The following ZMYM6 variants were observed in gnomAD, a reference collection of about 807,000 sequenced individuals.
ZMYM6 encodes the protein zinc finger MYM-type protein 6.
Under a neutral mutation model 134.0 loss-of-function variants are expected in ZMYM6, and 90 were observed. The observed-to-expected ratio is 0.67, with a 90% CI of 0.57 to 0.80. The LOEUF (loss-of-function observed/expected upper bound fraction) is 0.80, where lower values mean the gene tolerates loss of function less well. Among genes scored for constraint, ZMYM6 ranks in the 30% least tolerant of loss-of-function variants. The pLI is 0.00. For synonymous variants in ZMYM6, 481 were observed against 524.1 expected, an observed-to-expected ratio of 0.92 and a Z score of 1.12; for missense variants, 1,362 against 1,533.9, an observed-to-expected ratio of 0.89 and a Z score of 1.87.
chr1:34,989,406 T>C (rs1640629931), intron 15 of ZMYM6: 2 of 241,460 alleles, frequency 8.3e-6, no homozygotes, highest in Non-Finnish European at 1.2e-5. Context: ...AGAAAAAAAA[T>C]TGGCTGGATG....
chr1:35,028,101 G>T (rs1364494305), intron 2 of ZMYM6, among the ~76,000 whole-genome samples: 3 of 152,014 alleles, frequency 2.0e-5, no homozygotes, highest in African/African-American at 7.3e-5. Flanking sequence ...AGCACTTGAG[G>T]TCAGGAGTTT....
intron 10 of ZMYM6, among the ~76,000 whole-genome samples, chr1:35,009,468 A>C (rs1043150006): frequency 4.7e-5 from 7 of 150,372 alleles, no homozygotes; most frequent in African/African-American, 1.5e-4. Flanking sequence ...GAGGTATAAA[A>C]GTTTTTTAAG....
intron 1 of ZMYM6, 78 bp from the exon 2 acceptor site, chr1:35,030,791 A>C (rs1312278697): frequency 8.6e-6 from 6 of 701,464 alleles, no homozygotes; most frequent in Admixed American, 6.8e-5. Context: ...TGAGTGCATG[A>C]GGCTTCACGG....
Position 34,987,298 on chromosome 1 carries a change from TCTTTGC to T in ZMYM6, c.3778_3783del (p.Ala1260_Lys1261del). The T allele has an allele frequency of 5.0e-6, 8 of 1,612,310 alleles. No individual in the cohort carries two copies. The highest frequency in any genetic ancestry group is 6.8e-6 in the Non-Finnish European group (8 of 1,179,156). Reference sequence around the variant, plus strand: ...CTTTCATGGAGTTCTGGGTAACTTGTCTTTGCATTTATCCAAAACTGAGTTACAGAC... The same window carrying T: ...CTTTCATGGAGTTCTGGGTAACTTGTATTTATCCAAAACTGAGTTACAGAC... On this transcript the variant is annotated inframe_deletion, in exon 16 of 16. Coordinates refer to ENST00000357182, the MANE Select transcript of ZMYM6 (RefSeq NM_007167.4).
At position 34,998,958 on chromosome 1, in the gene ZMYM6, C is replaced by T. The variant is rs555864602; in HGVS notation, c.1992+5010G>A. Among the ~76,000 whole-genome samples, 114 of 152,150 alleles carry T rather than the reference C, an allele frequency of 7.5e-4. 1 individual carries two copies. Among genetic ancestry groups the T allele is most frequent in the African/African-American group, 2.6e-3 (107 of 41,510 alleles). On this transcript the variant is annotated intron_variant, in intron 14 of 15. Coordinates refer to ENST00000357182, the MANE Select transcript of ZMYM6 (RefSeq NM_007167.4). The stretch of plus-strand genomic sequence containing the variant: ...GCAACATAGCGAGACCTCATCTCTA[C>T]TAAAAATGTACAAAGTTAGCCAGAC...
chr1:35,018,185 A>T (rs1641238630), intron 4 of ZMYM6: 1 of 152,242 alleles, frequency 6.6e-6, no homozygotes, highest in African/African-American at 2.4e-5. Context: ...TCTACAAAAA[A>T]ATACAAAAAT....
At chr1:35,019,677 T>C in intron 3 of ZMYM6, 75 bp from the exon 4 acceptor site, 1 of 1,455,550 alleles carries the variant, frequency 6.9e-7, no homozygotes, top group East Asian at 2.4e-5. Context: ...TCTCTCTCTC[T>C]CTTTTTTCTT....
At chr1:34,994,941 T>C (rs1286053344) in intron 14 of ZMYM6, among the ~76,000 whole-genome samples, 2 of 146,280 alleles carry the variant, frequency 1.4e-5, no homozygotes, top group East Asian at 3.9e-4. Context: ...TATATATATA[T>C]GTATACATAT....
intron 14 of ZMYM6, among the ~76,000 whole-genome samples, chr1:34,995,653 T>A (rs988558637): frequency 1.3e-5 from 2 of 152,174 alleles, no homozygotes; most frequent in African/African-American, 4.8e-5. Flanking sequence ...TAGACAGAGA[T>A]GATTTACATC....
At position 35,012,510 on chromosome 1, in the gene ZMYM6, T is replaced by C; in HGVS notation, c.867A>G (p.Thr289=). 1.2e-6 allele frequency: 2 copies of C among 1,613,494 alleles called. No homozygotes were observed. The highest frequency in any genetic ancestry group is 1.7e-5 in the Admixed American group (1 of 59,930). The stretch of plus-strand genomic sequence containing the variant: ...AAAGCTCTGTTTTTCCTGAATCATT[T>C]GTAGTCTCAATCATTTCAGCTGAGG... The part of the protein sequence containing the change: ...LRPSAEMIET[T]NDSGKTELFC... Residue 289 remains threonine, a synonymous_variant, in exon 7 of 16, where the codon ACA becomes ACG. Transcript: ENST00000357182.
chr1:35,014,866 T>C lies in ZMYM6; in HGVS notation c.626A>G (p.Gln209Arg). ...ACTACAAAGACCATGTACCACATTT[T>C]GATATTTAACTTCAAATCGAGTCTA... ...NADTRFEVKY[Q>R]NVVHGLCSDA... The change falls in exon 6 of 16, where the codon CAA becomes CGA. Residue 209 changes from glutamine (Q) to arginine (R), a missense_variant. By Grantham distance (43) the Gln-to-Arg change is conservative. Coordinates refer to ENST00000357182, the MANE Select transcript of ZMYM6 (RefSeq NM_007167.4). The C allele has an allele frequency of 6.2e-7, 1 of 1,614,144 alleles. No individual in the cohort carries two copies. Among genetic ancestry groups the C allele is most frequent in the Non-Finnish European group, 8.5e-7 (1 of 1,180,028 alleles).
At chr1:34,990,223 G>A (rs1403659858) in intron 15 of ZMYM6, 2 of 202,206 alleles carry the variant, frequency 9.9e-6, no homozygotes, top group African/African-American at 4.6e-5. Flanking sequence ...GCTCACGCTT[G>A]TAATCCCAGC....
intron 12 of ZMYM6, among the ~76,000 whole-genome samples, chr1:35,005,747 A>C (rs950503437): frequency 6.6e-6 from 1 of 152,158 alleles, no homozygotes; most frequent in Non-Finnish European, 1.5e-5. Context: ...TTAACATGAC[A>C]ATTTTTATAA....
chr1:35,030,808 A>G (rs1569807120), intron 1 of ZMYM6, 95 bp from the exon 2 acceptor site: 3 of 624,832 alleles, frequency 4.8e-6, no homozygotes, highest in East Asian at 6.3e-5. Flanking sequence ...ACGGCTCGGC[A>G]TTTGAAAAAC....
intron 14 of ZMYM6, among the ~76,000 whole-genome samples, chr1:34,997,253 C>G (rs973842286): frequency 1.6e-4 from 25 of 152,180 alleles, no homozygotes; most frequent in South Asian, 2.1e-4. Context: ...TACTTTTGCC[C>G]ATTTTCCTAC....
Position 35,030,685 on chromosome 1 carries a change from T to C in ZMYM6, c.-46A>G. On this transcript the variant is annotated 5_prime_UTR_variant, in exon 2 of 16. Transcript: ENST00000357182. Reference sequence around the variant, plus strand: ...AGTGTCTCAGGCTCAAACGAATAGATTTCTTCTTGGTAATGGATAGTTGGA... The same window carrying C: ...AGTGTCTCAGGCTCAAACGAATAGACTTCTTCTTGGTAATGGATAGTTGGA... 1 of 1,566,410 alleles carries C rather than the reference T, an allele frequency of 6.4e-7. No homozygotes were observed. The highest frequency in any genetic ancestry group is 2.2e-5 in the East Asian group (1 of 44,692).
At position 35,014,793 on chromosome 1, in the gene ZMYM6, G is replaced by C. The variant is rs1641150874; in HGVS notation, c.699C>G (p.Asn233Lys). 6.2e-7 allele frequency: 1 copy of C among 1,614,100 alleles called. No individual in the cohort carries two copies. The highest frequency in any genetic ancestry group is 8.5e-7 in the Non-Finnish European group (1 of 1,180,036). The part of the protein sequence containing the change: ...KFHSTNNLTM[N>K]CCENCGSYCY... ...AATAGCTCCCACAGTTCTCACAACA[G>C]TTCATGGTGAGGTTGTTTGTAGAGT... The change falls in exon 6 of 16, where the codon AAC (asparagine) becomes AAG (lysine). Residue 233 changes from asparagine (N) to lysine (K), a missense_variant. Physicochemically the swap from Asn to Lys is moderately conservative, Grantham distance 94. Around this residue, in one of 3 missense-constraint regions of ZMYM6, gnomAD observed 503 missense variants for 520.8 expected, o/e 0.97. Coordinates refer to ENST00000357182, the MANE Select transcript of ZMYM6 (RefSeq NM_007167.4).
intron 12 of ZMYM6, among the ~76,000 whole-genome samples, chr1:35,006,047 G>A (rs1025973422): frequency 6.6e-6 from 1 of 152,076 alleles, no homozygotes; most frequent in African/African-American, 2.4e-5. Flanking sequence ...TCGTTCTGTA[G>A]CCCAGGCTGG....
intron 4 of ZMYM6, chr1:35,017,508 A>G (rs946271130): frequency 2.7e-5 from 4 of 150,392 alleles, no homozygotes; most frequent in Non-Finnish European, 4.4e-5. Flanking sequence ...CACATAAATT[A>G]TAAGTGTACT....
Sources: gnomAD v4.1 joint callset for allele counts (sites outside exome capture counted in the v4.1 genomes callset) on GRCh38, gnomAD v4.1.1 for gene constraint, gnomAD v4.1.1 regional missense constraint, MANE v1.5 for transcripts, NCBI Gene and HGNC (gene_info 2026-07-23, HGNC 2026-07-21) for gene names.